AFF4: variants seen among roughly 807,000 people sequenced by gnomAD.
The protein encoded by AFF4 is AF4/FMR2 family member 4.
A neutral mutation model predicts 124.8 loss-of-function variants in AFF4; 13 were observed. The observed-to-expected ratio is 0.10, with a 90% CI of 0.07 to 0.17. AFF4 has a LOEUF of 0.17. AFF4 is among the 10% of genes least tolerant of loss of function. AFF4 has a pLI of 1.00. For missense variants in AFF4, 1,092 were observed against 1,403.8 expected (o/e 0.78, Z 3.55); for synonymous variants, 477 against 496.1 (o/e 0.96, Z 0.51).
intron 1 of AFF4, chr5:132,948,732 T>C (rs73788238): frequency 0.011 from 2,100 of 192,652 alleles, 58 homozygotes; most frequent in African/African-American, 0.047. Flanking sequence ...AGAAGACATG[T>C]TTTACAGTGT....
intron 2 of AFF4, among the ~76,000 whole-genome samples, chr5:132,935,759 A>G (rs923770637): frequency 5.7e-5 from 8 of 140,254 alleles, no homozygotes; most frequent in Non-Finnish European, 9.4e-5. Flanking sequence ...TCCATCTCCG[A>G]AAAAAAAAAA....
chr5:132,929,546 C>T (rs191164406), intron 4 of AFF4, among the ~76,000 whole-genome samples: 35 of 151,816 alleles, frequency 2.3e-4, no homozygotes, highest in Non-Finnish European at 4.3e-4. Flanking sequence ...CAATCTGATA[C>T]GGGGGAAGAA....
intron 1 of AFF4, among the ~76,000 whole-genome samples, chr5:132,959,073 A>G (rs1762022656): frequency 6.6e-6 from 1 of 152,206 alleles, no homozygotes; most frequent in Non-Finnish European, 1.5e-5. Context: ...AAGAACTCCA[A>G]GAGAGAAAAA....
At chr5:132,958,051 C>T (rs986553650) in intron 1 of AFF4, among the ~76,000 whole-genome samples, 14 of 152,082 alleles carry the variant, frequency 9.2e-5, no homozygotes, top group African/African-American at 3.1e-4. Context: ...AATGTGAACA[C>T]TTGATATTGA....
At chr5:132,890,373 G>A (rs1021930785) in intron 13 of AFF4, among the ~76,000 whole-genome samples, 1 of 151,846 alleles carries the variant, frequency 6.6e-6, no homozygotes, top group Non-Finnish European at 1.5e-5. Flanking sequence ...GGGCTCAAGC[G>A]ATCCTCCAGC....
At position 132,899,189 on chromosome 5, in the gene AFF4, C is replaced by G. The variant is rs545074054; in HGVS notation, c.1189-48G>C. ...AATCTGTGAATGAATAAACAGTATT[C>G]TATTTGCTTAGTGTGAATAATATCT... On this transcript the variant is annotated intron_variant, in intron 8 of 20. Transcript: ENST00000265343. The G allele has an allele frequency of 2.1e-5, 32 of 1,555,838 alleles. No homozygotes were observed. The South Asian group carries it at 3.1e-4, about 15-fold the overall frequency.
chr5:132,946,834 T>C (rs1172352414), intron 1 of AFF4, among the ~76,000 whole-genome samples: 1 of 152,180 alleles, frequency 6.6e-6, no homozygotes, highest in Non-Finnish European at 1.5e-5. Context: ...AATAAAAATT[T>C]AAATGTGTAT....
chr5:132,930,271 A>G (rs1459436329), intron 4 of AFF4, among the ~76,000 whole-genome samples: 1 of 152,240 alleles, frequency 6.6e-6, no homozygotes, highest in Non-Finnish European at 1.5e-5. Flanking sequence ...CAAAGAGCAG[A>G]GGCTAGAAGA....
chr5:132,957,868 G>C (rs775698029), intron 1 of AFF4, among the ~76,000 whole-genome samples: 1 of 152,136 alleles, frequency 6.6e-6, no homozygotes, highest in African/African-American at 2.4e-5. Flanking sequence ...CAAAGACCTG[G>C]CTTCTTCAAC....
chr5:132,896,256 T>C (rs1760391466), intron 11 of AFF4, 67 bp downstream of exon 11: 1 of 1,510,180 alleles, frequency 6.6e-7, no homozygotes, highest in African/African-American at 1.4e-5. Flanking sequence ...CTTTGTGGCT[T>C]ACTGAGATTT....
At chr5:132,917,138 C>T (rs1014744917) in intron 5 of AFF4, among the ~76,000 whole-genome samples, 1 of 152,038 alleles carries the variant, frequency 6.6e-6, no homozygotes, top group Admixed American at 6.6e-5. Context: ...AGGCTGATCT[C>T]GAACTCCTGA....
At chr5:132,961,829 A>G (rs1022733358) in intron 1 of AFF4, among the ~76,000 whole-genome samples, 1 of 152,190 alleles carries the variant, frequency 6.6e-6, no homozygotes, top group African/African-American at 2.4e-5. Flanking sequence ...CAGCCTGCAA[A>G]CCACCGCAAA....
chr5:132,945,786 C>T (rs1364508753), intron 1 of AFF4, among the ~76,000 whole-genome samples: 1 of 151,540 alleles, frequency 6.6e-6, no homozygotes, highest in Non-Finnish European at 1.5e-5. Context: ...ACAGGCCGGG[C>T]ACGGTGGCTC....
intron 1 of AFF4, among the ~76,000 whole-genome samples, chr5:132,946,070 AAATT>A (rs1315913593): frequency 6.6e-6 from 1 of 150,796 alleles, no homozygotes; most frequent in African/African-American, 2.5e-5. Context: ...CAAAAAAAAT[AAATT>A]AATAAACAAG....
chr5:132,907,157 G>C (rs1255221427), intron 5 of AFF4, among the ~76,000 whole-genome samples: 1 of 152,126 alleles, frequency 6.6e-6, no homozygotes, highest in African/African-American at 2.4e-5. Context: ...GAACCGGAAA[G>C]ACTTCAGGTC....
chr5:132,950,347 T>A (rs1245159364), intron 1 of AFF4, among the ~76,000 whole-genome samples: 1 of 152,170 alleles, frequency 6.6e-6, no homozygotes, highest in Admixed American at 6.5e-5. Flanking sequence ...TGGTGGCACA[T>A]GCCTGTAATC....
Position 132,899,581 on chromosome 5 carries a change from A to G in AFF4, c.1188+6T>C. ...GACTGGCAAAATAATACAATAGTAG[A>G]CACACCTGTTCCCCATCACTGTCTT... On this transcript the variant is annotated splice_donor_region_variant and intron_variant, in intron 8 of 20. Coordinates refer to ENST00000265343, the MANE Select transcript of AFF4 (RefSeq NM_014423.4). The G allele has an allele frequency of 6.2e-7, 1 of 1,610,008 alleles. No individual in the cohort carries two copies. Among genetic ancestry groups the G allele is most frequent in the African/African-American group, 1.3e-5 (1 of 75,006 alleles).
chr5:132,888,285 T>G, intron 14 of AFF4, 125 bp from the exon 15 acceptor site: 1 of 714,186 alleles, frequency 1.4e-6, no homozygotes, highest in Non-Finnish European at 2.2e-6. Flanking sequence ...TACTAAGAAT[T>G]TGTTTCAGTA....
At chr5:132,928,999 T>C (rs1255544345) in intron 4 of AFF4, among the ~76,000 whole-genome samples, 1 of 152,180 alleles carries the variant, frequency 6.6e-6, no homozygotes, top group Non-Finnish European at 1.5e-5. Context: ...GACCACTGTA[T>C]TCCCAGTGGT....
Sources: allele counts gnomAD v4.1 joint callset (sites outside exome capture counted in the v4.1 genomes callset), GRCh38; gene constraint gnomAD v4.1.1; transcripts MANE v1.5; gene names NCBI Gene and HGNC (gene_info 2026-07-23, HGNC 2026-07-21).